The following FHL2 variants were observed in gnomAD, a reference collection of about 807,000 sequenced individuals.
The protein encoded by FHL2 is four and a half LIM domains 2.
In FHL2, 20 loss-of-function variants were observed where a neutral mutation model predicts 32.7. That is an observed-to-expected ratio of 0.61 (90% CI 0.43 to 0.89). FHL2 has a LOEUF of 0.89. Among genes scored for constraint, FHL2 ranks in the 40% least tolerant of loss-of-function variants. The pLI, the probability that FHL2 is intolerant of heterozygous loss-of-function variation, is 0.00. For synonymous variants in FHL2, 123 were observed against 128.1 expected, an observed-to-expected ratio of 0.96 and a Z score of 0.27; for missense variants, 311 against 358.6, an observed-to-expected ratio of 0.87 and a Z score of 1.07.
chr2:105,359,254 T>A (rs944726194), downstream of FHL2: 22 of 152,216 alleles, frequency 1.4e-4, no homozygotes, highest in African/African-American at 4.6e-4. Context: ...ATGGTTTTAA[T>A]GAGGAACAAG....
At chr2:105,364,384 C>T (rs1302150156) in intron 5 of FHL2, among the ~76,000 whole-genome samples, 1 of 152,218 alleles carries the variant, frequency 6.6e-6, no homozygotes, top group African/African-American at 2.4e-5. Context: ...CCGGGACTAG[C>T]ACCTGCTGAT....
chr2:105,398,696 T>G, intron 1 of FHL2, 146 bp downstream of exon 1: 8 of 528,894 alleles, frequency 1.5e-5, no homozygotes, highest in Non-Finnish European at 1.2e-5. Context: ...CTCCCCGTGG[T>G]CTCCCCACCC....
At chr2:105,391,495 G>C (rs1240326453) in intron 2 of FHL2, among the ~76,000 whole-genome samples, 1 of 152,152 alleles carries the variant, frequency 6.6e-6, no homozygotes, top group Non-Finnish European at 1.5e-5. Flanking sequence ...GAGAGACAGA[G>C]TAGGGTAGGC....
At chr2:105,396,785 A>G (rs1683158950) in intron 1 of FHL2, 88 bp from the exon 2 acceptor site, 2 of 1,153,030 alleles carry the variant, frequency 1.7e-6, no homozygotes, top group Non-Finnish European at 2.6e-6. Context: ...CACTTAATAA[A>G]TGTGGCTTTG....
At position 105,398,846 on chromosome 2, in the gene FHL2, C is replaced by A. The variant is rs976761097; in HGVS notation, c.-80G>T. 9 of 1,443,828 alleles carry A rather than the reference C, an allele frequency of 6.2e-6. No individual in the cohort carries two copies. In the African/African-American group the frequency reaches 1.3e-4, roughly 21 times the overall value. The allele number at this position is 1,443,828 out of a possible 1,614,324, so 89.4% of individuals were successfully genotyped here. ...ACAGCTCTGCTCTCCTCTCACCAGT[C>A]TCCCCAACTCCGGCTCTGCTCCCCT... On this transcript the variant is annotated 5_prime_UTR_variant, in exon 1 of 7. Transcript: ENST00000530340.
upstream of FHL2, chr2:105,399,252 C>A: frequency 6.5e-7 from 1 of 1,535,426 alleles, no homozygotes; most frequent in Non-Finnish European, 8.7e-7. Context: ...TTTCTTCGTG[C>A]CCTCCGGGTC....
upstream of FHL2, among the ~76,000 whole-genome samples, chr2:105,402,181 A>ATGTATATATGTATATATATG (rs1203383418): frequency 3.4e-5 from 5 of 146,856 alleles, no homozygotes; most frequent in African/African-American, 5.3e-5. Flanking sequence ...ATGTATCTGT[A>ATGTATATATGTATATATATG]TGTATATATG....
intron 1 of FHL2, chr2:105,396,933 A>T: frequency 4.8e-6 from 2 of 419,010 alleles, no homozygotes; most frequent in Non-Finnish European, 8.6e-6. Context: ...CTGACAAAGG[A>T]GGCTGCCTGA....
In FHL2 at chr2:105,373,547, G is replaced by A. The variant is rs1422252426; in HGVS notation, c.331+12C>T. On this transcript the variant is annotated intron_variant, in intron 4 of 6. Coordinates refer to ENST00000530340, the MANE Select transcript of FHL2 (RefSeq NM_001318895.3). Reference sequence around the variant, plus strand: ...AGACTGGCTCACGCATGAGAAAGGAGTGCCTCCTGACCTGGCATGATGGTC... The same window carrying A: ...AGACTGGCTCACGCATGAGAAAGGAATGCCTCCTGACCTGGCATGATGGTC... 1.2e-6 allele frequency: 2 copies of A among 1,614,176 alleles called. No individual in the cohort carries two copies. Among genetic ancestry groups the A allele is most frequent in the Non-Finnish European group, 1.7e-6 (2 of 1,180,014 alleles).
intron 3 of FHL2, among the ~76,000 whole-genome samples, chr2:105,380,509 A>G (rs1053502275): frequency 1.2e-4 from 18 of 152,204 alleles, no homozygotes; most frequent in African/African-American, 4.3e-4. Context: ...AATTACAGGC[A>G]TGAGCCACCA....
intron 1 of FHL2, among the ~76,000 whole-genome samples, chr2:105,421,619 T>C (rs1156471750): frequency 1.3e-5 from 2 of 152,190 alleles, no homozygotes; most frequent in African/African-American, 2.4e-5. Flanking sequence ...CTGTCTGCAG[T>C]TTAACACTGC....
intron 2 of FHL2, 60 bp from the exon 3 acceptor site, chr2:105,386,600 A>C (rs1345681292): frequency 6.8e-7 from 1 of 1,470,122 alleles, no homozygotes; most frequent in African/African-American, 1.4e-5. Context: ...GGGTGCACGC[A>C]AAGGCATTAA....
At chr2:105,425,899 G>C (rs1235211883) in intron 1 of FHL2, among the ~76,000 whole-genome samples, 3 of 152,110 alleles carry the variant, frequency 2.0e-5, no homozygotes, top group Admixed American at 6.5e-5. Context: ...GAATTCAGAG[G>C]CCGGTGCCGG....
chr2:105,432,384 C>T (rs1027976889), intron 1 of FHL2, among the ~76,000 whole-genome samples: 3 of 152,126 alleles, frequency 2.0e-5, no homozygotes, highest in African/African-American at 7.2e-5. Context: ...CTTGTTTGAC[C>T]TCTGTCTTTG....
intron 4 of FHL2, 47 bp from the exon 5 acceptor site, chr2:105,367,786 G>T: frequency 6.4e-7 from 1 of 1,565,104 alleles, no homozygotes; most frequent in South Asian, 1.2e-5. Context: ...GGTTAGAGGG[G>T]TGTGGAGTCC....
chr2:105,438,438 T>C (rs1684678645), exon 1 of FHL2: 1 of 985,418 alleles, frequency 1.0e-6, no homozygotes, highest in African/African-American at 1.7e-5. Context: ...TCCAGCCCGA[T>C]GAGCAGGGAC....
chr2:105,382,523 A>G (rs1035355228), intron 3 of FHL2, among the ~76,000 whole-genome samples: 7 of 152,218 alleles, frequency 4.6e-5, no homozygotes, highest in Non-Finnish European at 1.0e-4. Flanking sequence ...ATGGAATGAA[A>G]AAAGTTCCTA....
intron 1 of FHL2, among the ~76,000 whole-genome samples, chr2:105,429,367 C>T (rs944464388): frequency 1.6e-4 from 24 of 152,190 alleles, no homozygotes; most frequent in African/African-American, 4.8e-4. Flanking sequence ...AGTTAAGGAT[C>T]ATGAGATAGG....
intron 1 of FHL2, among the ~76,000 whole-genome samples, chr2:105,436,536 A>G (rs1684616609): frequency 6.6e-6 from 1 of 152,160 alleles, no homozygotes; most frequent in Non-Finnish European, 1.5e-5. Context: ...AAGAAAGAAG[A>G]TTAGCAAATA....
Sources: gnomAD v4.1 joint callset for allele counts (sites outside exome capture counted in the v4.1 genomes callset) on GRCh38, gnomAD v4.1.1 for gene constraint, MANE v1.5 for transcripts, NCBI Gene and HGNC (gene_info 2026-07-23, HGNC 2026-07-21) for gene names.